The following GPR107 variants were observed in gnomAD, a reference collection of about 807,000 sequenced individuals.
The protein encoded by GPR107 is G protein-coupled receptor 107.
Under a neutral mutation model 75.5 loss-of-function variants are expected in GPR107, and 31 were observed. The observed-to-expected ratio is 0.41, with a 90% CI of 0.31 to 0.55. GPR107 has a LOEUF of 0.55. GPR107 is among the 20% of genes least tolerant of loss of function. The pLI is 0.26. For synonymous variants in GPR107, 267 were observed against 251.3 expected (o/e 1.06, Z -0.59); for missense variants, 572 against 665.7 (o/e 0.86, Z 1.55).
intron 14 of GPR107, among the ~76,000 whole-genome samples, chr9:130,116,914 C>T (rs924159163): frequency 3.3e-5 from 5 of 151,560 alleles, no homozygotes; most frequent in African/African-American, 9.7e-5. Context: ...TTCATATCTC[C>T]TGGGTCATTG....
intron 12 of GPR107, among the ~76,000 whole-genome samples, chr9:130,102,737 A>T (rs1197383380): frequency 1.3e-5 from 2 of 152,198 alleles, no homozygotes; most frequent in East Asian, 3.9e-4. Flanking sequence ...TGTGTGAATT[A>T]AGGACAAAAT....
chr9:130,111,994 G>T (rs1397518242), intron 14 of GPR107, among the ~76,000 whole-genome samples: 1 of 152,126 alleles, frequency 6.6e-6, no homozygotes, highest in Non-Finnish European at 1.5e-5. Flanking sequence ...TGTCTCGCCT[G>T]CTAAGATTTA....
intron 14 of GPR107, among the ~76,000 whole-genome samples, chr9:130,107,989 A>G (rs994589654): frequency 6.6e-6 from 1 of 152,268 alleles, no homozygotes; most frequent in Non-Finnish European, 1.5e-5. Flanking sequence ...CTCTGATGAC[A>G]GAAGGAACCT....
At chr9:130,128,012 C>T (rs949262066) in intron 16 of GPR107, among the ~76,000 whole-genome samples, 1 of 152,206 alleles carries the variant, frequency 6.6e-6, no homozygotes, top group African/African-American at 2.4e-5. Flanking sequence ...CTCCTTCCAT[C>T]TCTTCTGGCC....
intron 7 of GPR107, among the ~76,000 whole-genome samples, chr9:130,090,165 A>T (rs969356678): frequency 6.6e-6 from 1 of 152,238 alleles, no homozygotes; most frequent in African/African-American, 2.4e-5. Flanking sequence ...TTTTATTGGT[A>T]GAACTTATGG....
At chr9:130,093,281 G>C (rs1006230447) in intron 9 of GPR107, among the ~76,000 whole-genome samples, 2 of 152,068 alleles carry the variant, frequency 1.3e-5, no homozygotes, top group African/African-American at 4.8e-5. Flanking sequence ...GCATATGCGT[G>C]AATTCTTTCT....
At position 130,114,941 on chromosome 9, in the gene GPR107, T is replaced by C. The variant is rs149440725; in HGVS notation, c.1306+7402T>C. Among the ~76,000 whole-genome samples the C allele has an allele frequency of 1.7e-3, 263 of 152,308 alleles. 1 individual carries two copies. Among genetic ancestry groups the C allele is most frequent in the African/African-American group, 5.8e-3 (241 of 41,564 alleles). ...GCCAGATGCTTGTGGTTGTTTAAGA[T>C]GTCTGTTAGTCCAGGGCAGCTTATG... On this transcript the variant is annotated intron_variant, in intron 14 of 17. Coordinates refer to ENST00000347136, the MANE Select transcript of GPR107 (RefSeq NM_020960.5).
chr9:130,125,786 A>G (rs1023588939), intron 15 of GPR107, among the ~76,000 whole-genome samples: 1 of 152,104 alleles, frequency 6.6e-6, no homozygotes, highest in African/African-American at 2.4e-5. Context: ...GCGGTGGCTC[A>G]TGCCTATAAT....
At chr9:130,076,908 A>G (rs1338549024) in intron 3 of GPR107, among the ~76,000 whole-genome samples, 2 of 144,970 alleles carry the variant, frequency 1.4e-5, no homozygotes, top group Non-Finnish European at 3.0e-5. Flanking sequence ...TTTTTTTGAG[A>G]CAGAGTCTCA....
chr9:130,066,494 A>G (rs1166206315), intron 1 of GPR107, among the ~76,000 whole-genome samples: 4 of 152,090 alleles, frequency 2.6e-5, no homozygotes, highest in Non-Finnish European at 5.9e-5. Flanking sequence ...TTTCCTAGGC[A>G]TGCCTCCAAA....
chr9:130,094,558 G>A (rs1830817070), intron 9 of GPR107, among the ~76,000 whole-genome samples: 1 of 152,180 alleles, frequency 6.6e-6, no homozygotes, highest in Non-Finnish European at 1.5e-5. Flanking sequence ...GGGACACAGA[G>A]TAAGACTCTG....
intron 9 of GPR107, among the ~76,000 whole-genome samples, chr9:130,094,667 TTTTG>T (rs1185645760): frequency 6.6e-6 from 1 of 151,474 alleles, no homozygotes; most frequent in Non-Finnish European, 1.5e-5. Flanking sequence ...TTTTGTTTTG[TTTTG>T]TTTGTTTTTG....
intron 1 of GPR107, among the ~76,000 whole-genome samples, chr9:130,064,806 G>A (rs1255997680): frequency 6.6e-6 from 1 of 152,190 alleles, no homozygotes; most frequent in Non-Finnish European, 1.5e-5. Flanking sequence ...AGGGAAGAAG[G>A]CGATGTGATG....
At chr9:130,088,791 T>A (rs2132586297) in intron 7 of GPR107, among the ~76,000 whole-genome samples, 1 of 152,360 alleles carries the variant, frequency 6.6e-6, no homozygotes, top group South Asian at 2.1e-4. Flanking sequence ...CTTTGCCTTT[T>A]ACTGCCTCCT....
chr9:130,127,678 CAT>C, intron 16 of GPR107, 112 bp downstream of exon 16: 1 of 638,960 alleles, frequency 1.6e-6, no homozygotes, highest in South Asian at 1.9e-5. Flanking sequence ...TAAGACCTTC[CAT>C]CTCTTCTTTT....
chr9:130,066,638 G>A lies in GPR107; in HGVS notation c.142-8998G>A, dbSNP rs892023146. On this transcript the variant is annotated intron_variant, in intron 1 of 17. Transcript: ENST00000347136. Reference sequence around the variant, plus strand: ...GTAGAAAAGGAGACAGTGTACTGTCGCAGCAGTGTGTGGTCAAGCCCAGCA... The same window carrying A: ...GTAGAAAAGGAGACAGTGTACTGTCACAGCAGTGTGTGGTCAAGCCCAGCA... Among the ~76,000 whole-genome samples, 5 of 152,114 alleles carry A rather than the reference G, an allele frequency of 3.3e-5. No individual in the cohort carries two copies. The South Asian group carries it at 1.0e-3, about 32-fold the overall frequency.
chr9:130,137,798 G>A lies in GPR107; in HGVS notation c.*2677G>A, dbSNP rs1410795326. ...CACAGTCCACTGGGTTCGTTGTCAT[G>A]CGGTGTTTGAATGGTTAAGCCCTTG... On this transcript the variant is annotated 3_prime_UTR_variant, in exon 18 of 18. Coordinates refer to ENST00000347136, the MANE Select transcript of GPR107 (RefSeq NM_020960.5). 1 of 152,240 alleles carries A rather than the reference G, an allele frequency of 6.6e-6. No individual in the cohort carries two copies. The highest frequency in any genetic ancestry group is 1.9e-4 in the East Asian group (1 of 5,194). The allele number at this position is 152,240 out of a possible 1,614,324, so 9.4% of individuals were successfully genotyped here. A position where few individuals can be genotyped will look rare whatever the true frequency, so the allele number is the denominator to read the frequency against.
intron 14 of GPR107, 65 bp downstream of exon 14, chr9:130,107,604 C>A: frequency 9.7e-7 from 1 of 1,030,992 alleles, no homozygotes; most frequent in Non-Finnish European, 1.5e-6. Context: ...TGCGGCACTG[C>A]GGAGGAGTGG....
chr9:130,097,894 CGTTTTGAGACA>C (rs1016453545), intron 9 of GPR107, among the ~76,000 whole-genome samples: 4 of 150,716 alleles, frequency 2.7e-5, no homozygotes, highest in African/African-American at 9.8e-5. Context: ...GTTTTGAGAC[CGTTTTGAGACA>C]GGGACTCGCT....
Sources: allele counts gnomAD v4.1 joint callset (sites outside exome capture counted in the v4.1 genomes callset), GRCh38; gene constraint gnomAD v4.1.1; transcripts MANE v1.5; gene names NCBI Gene and HGNC (gene_info 2026-07-23, HGNC 2026-07-21).